The following DNER variants were observed in gnomAD, a reference collection of about 807,000 sequenced individuals.
The protein encoded by DNER is delta/notch like EGF repeat containing, also known as delta and Notch-like epidermal growth factor-related receptor.
DNER carries 33 observed loss-of-function variants against 78.2 expected under a neutral mutation model. The observed-to-expected ratio is 0.42, with a 90% CI of 0.32 to 0.56. The LOEUF is 0.56. Ranked by LOEUF, DNER falls within the 20% of genes least tolerant of loss-of-function variation. The probability of loss-of-function intolerance (pLI) is 0.11; values close to 1 mark genes in which losing one functional copy is unlikely to be tolerated. For missense variants in DNER, 918 were observed against 975.3 expected, an observed-to-expected ratio of 0.94 and a Z score of 0.78; for synonymous variants, 417 against 384.8, an observed-to-expected ratio of 1.08 and a Z score of -0.98.
chr2:229,362,032 A>T lies in DNER; in HGVS notation c.2103-3381T>A, dbSNP rs1022787152. 2.0e-5 allele frequency among the ~76,000 whole-genome samples: 3 copies of T among 152,176 alleles called. No homozygotes were observed. In the South Asian group the frequency reaches 6.2e-4, roughly 31 times the overall value. On this transcript the variant is annotated intron_variant, in intron 12 of 12. Transcript: ENST00000341772. The stretch of plus-strand genomic sequence containing the variant: ...AATGTCTGCTGATGGTCCATGAGGA[A>T]GCCAGATCTTTAAAAGATGGGAAGG...
intron 5 of DNER, among the ~76,000 whole-genome samples, chr2:229,541,120 G>C (rs1423165059): frequency 6.6e-6 from 1 of 152,210 alleles, no homozygotes; most frequent in Non-Finnish European, 1.5e-5. Flanking sequence ...CAGCAGGAAG[G>C]GGGAGATGAG....
rs115707788 is a variant in DNER, at chr2:229,650,967, T to C, written c.277-59079A>G. Among the ~76,000 whole-genome samples, 745 of 152,288 alleles carry C rather than the reference T, an allele frequency of 4.9e-3. 7 individuals carry two copies. Among genetic ancestry groups the C allele is most frequent in the African/African-American group, 0.017 (692 of 41,566 alleles). On this transcript the variant is annotated intron_variant, in intron 1 of 12. Coordinates refer to ENST00000341772, the MANE Select transcript of DNER (RefSeq NM_139072.4). ...GCTTGCCTCTCCATCATTTGCCCTT[T>C]ATCTGGGATGAGCACCAACATTTCT...
chr2:229,614,090 A>G (rs1372173563), intron 1 of DNER, among the ~76,000 whole-genome samples: 2 of 151,968 alleles, frequency 1.3e-5, no homozygotes, highest in African/African-American at 2.4e-5. Flanking sequence ...TGACGAGTTA[A>G]TGGGTGCAGC....
intron 1 of DNER, among the ~76,000 whole-genome samples, chr2:229,652,786 C>A (rs1574944235): frequency 6.6e-6 from 1 of 152,292 alleles, no homozygotes; most frequent in East Asian, 1.9e-4. Context: ...TTTCAGCATG[C>A]CTAAAAATAG....
chr2:229,531,254 A>G (rs917187466), intron 5 of DNER, among the ~76,000 whole-genome samples: 6 of 152,154 alleles, frequency 3.9e-5, no homozygotes, highest in African/African-American at 1.4e-4. Flanking sequence ...GCTGCTCTCA[A>G]TCAACTCAAC....
At chr2:229,498,258 G>A (rs982387929) in intron 6 of DNER, among the ~76,000 whole-genome samples, 1 of 152,070 alleles carries the variant, frequency 6.6e-6, no homozygotes, top group Admixed American at 6.5e-5. Context: ...TAACAAACTA[G>A]GTATAGAAGG....
chr2:229,529,449 G>A (rs1229730121), intron 5 of DNER, among the ~76,000 whole-genome samples: 1 of 151,986 alleles, frequency 6.6e-6, no homozygotes, highest in African/African-American at 2.4e-5. Context: ...ACACTTCCTC[G>A]GAAGATTGTT....
intron 7 of DNER, among the ~76,000 whole-genome samples, chr2:229,459,361 T>C (rs1694643217): frequency 6.6e-6 from 1 of 152,122 alleles, no homozygotes; most frequent in Non-Finnish European, 1.5e-5. Flanking sequence ...AGAATAGCTG[T>C]ATGCATCCAG....
chr2:229,418,055 A>G, intron 9 of DNER, 53 bp downstream of exon 9: 2 of 1,613,252 alleles, frequency 1.2e-6, no homozygotes, highest in South Asian at 1.1e-5. Context: ...ACTGAGAAAT[A>G]CATGACGTCA....
intron 4 of DNER, among the ~76,000 whole-genome samples, chr2:229,556,260 G>A (rs16826179): frequency 0.021 from 3,161 of 152,242 alleles, 113 homozygotes; most frequent in African/African-American, 0.072. Context: ...GATAAGTCAC[G>A]CTTGGTTTCT....
chr2:229,644,236 A>T (rs1038854707), intron 1 of DNER, among the ~76,000 whole-genome samples: 1 of 151,994 alleles, frequency 6.6e-6, no homozygotes, highest in Non-Finnish European at 1.5e-5. Flanking sequence ...TGTGATAATC[A>T]TATCGTGGAA....
chr2:229,523,454 G>T (rs560378298), intron 5 of DNER, among the ~76,000 whole-genome samples: 1 of 152,152 alleles, frequency 6.6e-6, no homozygotes, highest in South Asian at 2.1e-4. Context: ...TCTCCTCCCC[G>T]TGTCTTCACA....
chr2:229,532,845 C>T (rs181323342), intron 5 of DNER, among the ~76,000 whole-genome samples: 2 of 152,316 alleles, frequency 1.3e-5, no homozygotes, highest in East Asian at 1.9e-4. Context: ...TCTAACCTGG[C>T]CCCCTGTGGG....
intron 1 of DNER, among the ~76,000 whole-genome samples, chr2:229,635,219 C>T (rs955992660): frequency 8.5e-5 from 13 of 152,088 alleles, no homozygotes; most frequent in African/African-American, 2.9e-4. Context: ...TCTGTCTCCT[C>T]GGCAGCAACC....
chr2:229,679,693 T>A (rs1419436175), intron 1 of DNER, among the ~76,000 whole-genome samples: 1 of 152,224 alleles, frequency 6.6e-6, no homozygotes, highest in African/African-American at 2.4e-5. Flanking sequence ...GATGGCCCAT[T>A]TGGTATTTGA....
intron 10 of DNER, among the ~76,000 whole-genome samples, chr2:229,404,413 A>G (rs2106342734): frequency 7.7e-6 from 1 of 129,606 alleles, no homozygotes; most frequent in South Asian, 2.4e-4. Flanking sequence ...AAACCATCAG[A>G]TCTCATGAGT....
At chr2:229,406,709 A>G (rs952982145) in intron 10 of DNER, among the ~76,000 whole-genome samples, 5 of 152,174 alleles carry the variant, frequency 3.3e-5, no homozygotes, top group African/African-American at 1.2e-4. Context: ...GTTAGGCTGG[A>G]ACCCCCAATC....
intron 10 of DNER, among the ~76,000 whole-genome samples, chr2:229,399,544 T>G (rs1402521718): frequency 3.3e-5 from 5 of 152,034 alleles, no homozygotes; most frequent in African/African-American, 9.7e-5. Flanking sequence ...ATTGTAAAAT[T>G]TATATGAAAA....
At position 229,591,444 on chromosome 2, in the gene DNER, T is replaced by A. The variant is rs892213530; in HGVS notation, c.585+136A>T. On this transcript the variant is annotated intron_variant, in intron 2 of 12. Coordinates refer to ENST00000341772, the MANE Select transcript of DNER (RefSeq NM_139072.4). This position sits in a 1 kb window ranked among gnomAD's most constrained non-coding sequence, Gnocchi z 4.6. The stretch of plus-strand genomic sequence containing the variant: ...TCGTACACACAAATGCAGACAGGAA[T>A]AAGTTTAGGGAGATATTTTGCTTCG... 15 of 1,056,996 alleles carry A rather than the reference T, an allele frequency of 1.4e-5. No individual in the cohort carries two copies. The highest frequency in any genetic ancestry group is 1.1e-4 in the East Asian group (4 of 37,806). 65.5% of individuals were successfully genotyped at this position (1,056,996 alleles called of 1,614,324 possible). A position where few individuals can be genotyped will look rare whatever the true frequency, so the allele number is the denominator to read the frequency against.
Sources: allele counts gnomAD v4.1 joint callset (sites outside exome capture counted in the v4.1 genomes callset), GRCh38; gene constraint gnomAD v4.1.1; non-coding constraint Gnocchi (gnomAD v3.1); transcripts MANE v1.5; gene names NCBI Gene and HGNC (gene_info 2026-07-23, HGNC 2026-07-21).